The following GLIS3 variants were observed in gnomAD, a reference collection of about 807,000 sequenced individuals.
The protein encoded by GLIS3 is zinc finger protein GLIS3.
In GLIS3, 53 loss-of-function variants were observed where a neutral mutation model predicts 78.6. The ratio of observed to expected loss-of-function variants is 0.67; its 90% CI spans 0.54 to 0.85. GLIS3 has a LOEUF of 0.85. Among genes scored for constraint, GLIS3 ranks in the 40% least tolerant of loss-of-function variants. The pLI is 0.00. For missense variants in GLIS3, 1,703 were observed against 1,231.1 expected (o/e 1.38, Z -5.74); for synonymous variants, 684 against 509.9 (o/e 1.34, Z -4.60).
intron 2 of GLIS3, among the ~76,000 whole-genome samples, chr9:4,317,615 C>G (rs372664091): frequency 6.6e-6 from 1 of 152,144 alleles, no homozygotes; most frequent in Non-Finnish European, 1.5e-5. Context: ...TATATGATAC[C>G]TATTTTCATT....
intron 2 of GLIS3, among the ~76,000 whole-genome samples, chr9:4,284,274 T>C (rs1237614107): frequency 6.6e-6 from 1 of 152,200 alleles, no homozygotes; most frequent in Admixed American, 6.5e-5. Context: ...TGACATATGC[T>C]GAGTTATGAT....
chr9:3,985,558 C>T (rs1355626239), intron 4 of GLIS3, among the ~76,000 whole-genome samples: 1 of 152,178 alleles, frequency 6.6e-6, no homozygotes, highest in East Asian at 1.9e-4. Context: ...GCCCAGAAAG[C>T]AGATGTTTGC....
the GLIS3 span, among the ~76,000 whole-genome samples, chr9:4,371,675 C>A: frequency 6.6e-6 from 1 of 152,158 alleles, no homozygotes; most frequent in East Asian, 1.9e-4. Flanking sequence ...TGCCTCATCT[C>A]TCTCACTACT....
intron 4 of GLIS3, among the ~76,000 whole-genome samples, chr9:3,991,884 G>A (rs912508524): frequency 9.2e-5 from 14 of 151,732 alleles, no homozygotes; most frequent in East Asian, 3.9e-4. Context: ...TAGAGACGGG[G>A]TTTCACCGTA....
chr9:4,070,023 A>T (rs1260100511), intron 4 of GLIS3, among the ~76,000 whole-genome samples: 1 of 152,060 alleles, frequency 6.6e-6, no homozygotes, highest in Non-Finnish European at 1.5e-5. Flanking sequence ...AGGGGCAGCC[A>T]TTTCAGCCAC....
chr9:4,374,962 T>A, the GLIS3 span, among the ~76,000 whole-genome samples: 1 of 151,756 alleles, frequency 6.6e-6, no homozygotes, highest in Admixed American at 6.6e-5. Flanking sequence ...CTATTTACAA[T>A]TTGCAACAGT....
chr9:4,109,636 C>A (rs1410934495), intron 4 of GLIS3, among the ~76,000 whole-genome samples: 1 of 152,134 alleles, frequency 6.6e-6, no homozygotes, highest in African/African-American at 2.4e-5. Flanking sequence ...AGTGATGCTA[C>A]CCTCCTAAGA....
At chr9:4,397,199 G>A in the GLIS3 span, among the ~76,000 whole-genome samples, 2 of 141,176 alleles carry the variant, frequency 1.4e-5, no homozygotes, top group East Asian at 4.2e-4. Context: ...CTAATTTTTT[G>A]TATTTTTAGT....
At chr9:4,275,236 C>G (rs1288566499) in intron 2 of GLIS3, among the ~76,000 whole-genome samples, 2 of 152,152 alleles carry the variant, frequency 1.3e-5, no homozygotes, top group Admixed American at 6.5e-5. Flanking sequence ...GAGGGGCCAA[C>G]TGTTGAAAAA....
intron 2 of GLIS3, among the ~76,000 whole-genome samples, chr9:4,272,942 T>G (rs1563875041): frequency 6.6e-6 from 1 of 152,228 alleles, no homozygotes; most frequent in Non-Finnish European, 1.5e-5. Flanking sequence ...TCACCCTACC[T>G]AAATAAAGTA....
At position 4,204,686 on chromosome 9, in the gene GLIS3, G is replaced by C. The variant is rs150597827; in HGVS notation, c.389-78745C>G. Among the ~76,000 whole-genome samples, 437 of 152,270 alleles carry C rather than the reference G, an allele frequency of 2.9e-3. 2 individuals are homozygous for C. Among genetic ancestry groups the C allele is most frequent in the African/African-American group, 9.9e-3 (413 of 41,550 alleles). On this transcript the variant is annotated intron_variant, in intron 2 of 10. Coordinates refer to ENST00000381971, the MANE Select transcript of GLIS3 (RefSeq NM_001042413.2). ...TAATCCTAGCACTTTGGGAGGCCGA[G>C]GCGGGCAGACTGCCTGAGCTCAGGA...
chr9:3,841,832 G>C (rs1473586907), intron 9 of GLIS3, among the ~76,000 whole-genome samples: 1 of 152,138 alleles, frequency 6.6e-6, no homozygotes, highest in Non-Finnish European at 1.5e-5. Context: ...AAAAATTCTA[G>C]CTCCTGCTGT....
intron 6 of GLIS3, among the ~76,000 whole-genome samples, chr9:3,932,040 A>G (rs781621271): frequency 1.3e-5 from 2 of 152,174 alleles, no homozygotes; most frequent in African/African-American, 2.4e-5. Flanking sequence ...AACTTCTATA[A>G]AAGCTTTTTG....
chr9:3,847,217 A>C (rs1228671767), intron 9 of GLIS3, among the ~76,000 whole-genome samples: 5 of 150,820 alleles, frequency 3.3e-5, no homozygotes, highest in Non-Finnish European at 7.4e-5. Flanking sequence ...ACATAAATAA[A>C]AAAAAATAAA....
At chr9:4,308,208 G>A (rs1419624875) in intron 4 of GLIS3, among the ~76,000 whole-genome samples, 1 of 152,116 alleles carries the variant, frequency 6.6e-6, no homozygotes, top group Non-Finnish European at 1.5e-5. Flanking sequence ...TCTGCTGGAA[G>A]GACAGGCACT....
the GLIS3 span, among the ~76,000 whole-genome samples, chr9:4,359,939 A>G: frequency 3.9e-5 from 6 of 152,050 alleles, no homozygotes; most frequent in East Asian, 1.9e-4. Context: ...ACTTATATAT[A>G]CATTTATTTT....
At chr9:4,463,403 T>C in the GLIS3 span, among the ~76,000 whole-genome samples, 1 of 152,168 alleles carries the variant, frequency 6.6e-6, no homozygotes, top group Non-Finnish European at 1.5e-5. Context: ...TTCTCTTCTA[T>C]CTCTTCATGC....
At chr9:4,179,805 G>A (rs141167923) in intron 2 of GLIS3, among the ~76,000 whole-genome samples, 2 of 151,986 alleles carry the variant, frequency 1.3e-5, no homozygotes, top group African/African-American at 4.8e-5. Context: ...AGCTACCCAG[G>A]AGGCTGAGGC....
At chr9:4,167,050 G>A (rs1454853578) in intron 2 of GLIS3, among the ~76,000 whole-genome samples, 1 of 151,890 alleles carries the variant, frequency 6.6e-6, no homozygotes, top group Non-Finnish European at 1.5e-5. Flanking sequence ...ATTGACGCAA[G>A]TGGAGAATCA....
Sources: allele counts gnomAD v4.1 joint callset (sites outside exome capture counted in the v4.1 genomes callset), GRCh38; gene constraint gnomAD v4.1.1; transcripts MANE v1.5; gene names NCBI Gene and HGNC (gene_info 2026-07-23, HGNC 2026-07-21).